Variants in COL6A6 observed in about 807,000 individuals in gnomAD.
COL6A6 encodes collagen alpha-6(VI) chain.
COL6A6 carries 183 observed loss-of-function variants against 208.6 expected under a neutral mutation model. The observed-to-expected ratio is 0.88, with a 90% CI of 0.78 to 0.99. COL6A6 has a LOEUF of 0.99. Ranked by LOEUF, COL6A6 falls within the 50% of genes least tolerant of loss-of-function variation. The pLI, the probability that COL6A6 is intolerant of heterozygous loss-of-function variation, is 0.00. For missense variants in COL6A6, 2,816 were observed against 2,815.2 expected (o/e 1.00, Z -0.01); for synonymous variants, 973 against 1,011.8 (o/e 0.96, Z 0.73).
chr3:130,649,554 G>A lies in COL6A6; in HGVS notation c.5725G>A (p.Ala1909Thr), dbSNP rs953900662. ...CAGCAACGTGCCCTCGGTCAGGCGC[G>A]CATTTGCGGTATGAGGATGAAACCT... ...TFSNVPSVRR[A>T]FAIDDTGTFQ... The change falls in exon 33 of 37, where the codon GCA becomes ACA. Residue 1909 changes from alanine (A) to threonine (T), a missense_variant. Ala to Thr is a moderately conservative substitution (Grantham distance 58). Coordinates refer to ENST00000358511, the MANE Select transcript of COL6A6 (RefSeq NM_001102608.3). 1.9e-6 allele frequency: 3 copies of A among 1,584,200 alleles called. No homozygotes were observed. Among genetic ancestry groups the A allele is most frequent in the East Asian group, 2.3e-5 (1 of 44,060 alleles).
At chr3:130,577,907 G>C (rs143219623) in intron 8 of COL6A6, among the ~76,000 whole-genome samples, 8 of 152,024 alleles carry the variant, frequency 5.3e-5, no homozygotes, top group African/African-American at 1.9e-4. Context: ...TTCACAGGAG[G>C]ACAATTTACC....
chr3:130,598,431 G>A lies in COL6A6; in HGVS notation c.4599+1G>A, dbSNP rs2063910380. The A allele has an allele frequency of 6.5e-7, 1 of 1,545,926 alleles. No homozygotes were observed. The highest frequency in any genetic ancestry group is 1.4e-5 in the African/African-American group (1 of 73,034). On this transcript the variant is annotated splice_donor_variant, in intron 19 of 36. Coordinates refer to ENST00000358511, the MANE Select transcript of COL6A6 (RefSeq NM_001102608.3). LOFTEE classifies it high-confidence loss of function. The stretch of plus-strand genomic sequence containing the variant: ...CTTGAAAGGAGAACGTGGAAGACAA[G>A]TAATTACGTGGGCTTGTAAAATCGT...
intron 24 of COL6A6, among the ~76,000 whole-genome samples, chr3:130,622,333 G>T (rs1463395732): frequency 6.6e-6 from 1 of 150,810 alleles, no homozygotes; most frequent in Non-Finnish European, 1.5e-5. Flanking sequence ...TCTTTGTTTT[G>T]GTCATTGATT....
intron 8 of COL6A6, among the ~76,000 whole-genome samples, chr3:130,577,064 G>A (rs2063315072): frequency 6.6e-6 from 1 of 152,188 alleles, no homozygotes; most frequent in Non-Finnish European, 1.5e-5. Context: ...TCAGACGCAT[G>A]GAGGTATGAT....
At chr3:130,570,073 G>A (rs988110960) in intron 6 of COL6A6, among the ~76,000 whole-genome samples, 1 of 152,210 alleles carries the variant, frequency 6.6e-6, no homozygotes, top group African/African-American at 2.4e-5. Context: ...TCTCCAGAAT[G>A]GATGAGTTAG....
intron 11 of COL6A6, among the ~76,000 whole-genome samples, chr3:130,588,465 A>G (rs1274257809): frequency 6.6e-6 from 1 of 152,226 alleles, no homozygotes; most frequent in Non-Finnish European, 1.5e-5. Flanking sequence ...AATATATGAT[A>G]TAGATGTTTT....
In COL6A6 at chr3:130,676,833, A is replaced by T. The variant is rs1023111406; in HGVS notation, c.*1436A>T. ...GAATAAAACACATCAGGTTTGCTTC[A>T]TCTATCCTAAGTGGTGCTTAGGGGT... On this transcript the variant is annotated 3_prime_UTR_variant, in exon 37 of 37. Coordinates refer to ENST00000358511, the MANE Select transcript of COL6A6 (RefSeq NM_001102608.3). The T allele has an allele frequency of 6.6e-6, 1 of 152,362 alleles. No individual in the cohort carries two copies. Among genetic ancestry groups the T allele is most frequent in the African/African-American group, 2.4e-5 (1 of 41,592 alleles). The allele number at this position is 152,362 out of a possible 1,614,324, so 9.4% of individuals were successfully genotyped here.
intron 23 of COL6A6, among the ~76,000 whole-genome samples, chr3:130,617,893 G>A (rs1012163472): frequency 2.5e-4 from 38 of 152,262 alleles, no homozygotes; most frequent in African/African-American, 9.1e-4. Context: ...ACTCCCAAGT[G>A]CAATCTCTTC....
chr3:130,672,927 C>A (rs532194006), intron 36 of COL6A6, among the ~76,000 whole-genome samples: 2 of 150,406 alleles, frequency 1.3e-5, no homozygotes, highest in Non-Finnish European at 3.0e-5. Flanking sequence ...GAGAATCACT[C>A]GAAACCCGGG....
intron 18 of COL6A6, 164 bp downstream of exon 18, chr3:130,594,507 A>G (rs1359353722): frequency 1.7e-6 from 1 of 574,574 alleles, no homozygotes; most frequent in Admixed American, 3.5e-5. Context: ...TCCTCTTCAT[A>G]TACTGAATGA....
intron 21 of COL6A6, among the ~76,000 whole-genome samples, chr3:130,608,529 G>A (rs183635631): frequency 2.2e-4 from 34 of 152,008 alleles, no homozygotes; most frequent in Admixed American, 5.2e-4. Context: ...TAATATAATC[G>A]TGTAAGATGC....
At chr3:130,561,640 T>A (rs1167241318) in intron 2 of COL6A6, among the ~76,000 whole-genome samples, 4 of 12,548 alleles carry the variant, frequency 3.2e-4, no homozygotes, top group Non-Finnish European at 2.4e-3. Context: ...TCTACTTTTT[T>A]TTTTTTTTTT....
intron 1 of COL6A6, among the ~76,000 whole-genome samples, chr3:130,542,088 G>T (rs1223283610): frequency 3.4e-4 from 47 of 139,692 alleles, no homozygotes; most frequent in African/African-American, 1.2e-3. Context: ...CAATTTTATT[G>T]TTTTTTTTTT....
At chr3:130,657,349 C>T (rs2065819813) in intron 33 of COL6A6, among the ~76,000 whole-genome samples, 1 of 152,252 alleles carries the variant, frequency 6.6e-6, no homozygotes, top group South Asian at 2.1e-4. Flanking sequence ...TGGGCCACCA[C>T]TGCCATCAAA....
rs941052860 is a variant in COL6A6 at position 130,649,417 on chromosome 3, C to A, written c.5588C>A (p.Thr1863Lys). 1.2e-6 allele frequency: 2 copies of A among 1,613,044 alleles called. No individual in the cohort carries two copies. Among genetic ancestry groups the A allele is most frequent in the Non-Finnish European group, 1.7e-6 (2 of 1,179,562 alleles). ...VFKRTLPGAH[T>K]RKIATFFSSG... The stretch of plus-strand genomic sequence containing the variant: ...AAGCGGACGCTTCCGGGGGCACACA[C>A]GAGAAAAATCGCCACATTTTTCAGC... Residue 1863 changes from threonine (T) to lysine (K), a missense_variant, in exon 33 of 37, where the codon ACG becomes AAG. Transcript: ENST00000358511.
Position 130,574,443 on chromosome 3 carries a change from A to C in COL6A6, c.3465A>C (p.Lys1155Asn). ...LIQITGTAEK[K>N]LTVHNFDELK... ...AGATCACCGGGACTGCAGAGAAAAA[A>C]CTGACAGTGCACAACTTCGATGAAC... Residue 1155 changes from lysine to asparagine, a missense_variant, in exon 8 of 37, where the codon AAA (lysine) becomes AAC (asparagine). Physicochemically the swap from Lys to Asn is moderately conservative, Grantham distance 94 (BLOSUM62 0). Coordinates refer to ENST00000358511, the MANE Select transcript of COL6A6 (RefSeq NM_001102608.3). 1 of 1,613,996 alleles carries C rather than the reference A, an allele frequency of 6.2e-7. No individual in the cohort carries two copies.
At chr3:130,644,928 AC>A in intron 31 of COL6A6, 62 bp from the exon 32 acceptor site, 1 of 1,489,964 alleles carries the variant, frequency 6.7e-7, no homozygotes, top group Non-Finnish European at 9.4e-7. Context: ...TCTTTCCTGC[AC>A]GATACAGAAC....
At chr3:130,658,870 T>G in intron 34 of COL6A6, 98 bp downstream of exon 34, 1 of 831,406 alleles carries the variant, frequency 1.2e-6, no homozygotes. Flanking sequence ...GGGATACTTA[T>G]GGCCTTGGGA....
intron 23 of COL6A6, among the ~76,000 whole-genome samples, chr3:130,616,049 G>T (rs4682623): frequency 6.6e-6 from 1 of 151,968 alleles, no homozygotes; most frequent in African/African-American, 2.4e-5. Flanking sequence ...ACCTTTGTCA[G>T]TACAGTGAAA....
Sources: allele counts gnomAD v4.1 joint callset (sites outside exome capture counted in the v4.1 genomes callset), GRCh38; gene constraint gnomAD v4.1.1; transcripts MANE v1.5; gene names NCBI Gene and HGNC (gene_info 2026-07-23, HGNC 2026-07-21).